The following TGM7 variants were observed in gnomAD, a reference collection of about 807,000 sequenced individuals.
The protein encoded by TGM7 is transglutaminase 7.
Under a neutral mutation model 79.5 loss-of-function variants are expected in TGM7, and 74 were observed. The ratio of observed to expected loss-of-function variants is 0.93; its 90% CI spans 0.77 to 1.13. The LOEUF (loss-of-function observed/expected upper bound fraction) is 1.13. Among genes scored for constraint, TGM7 ranks in the 50% most tolerant of loss-of-function variants. The pLI is 0.00. For missense variants in TGM7, 912 were observed against 905.9 expected, an observed-to-expected ratio of 1.01 and a Z score of -0.09; for synonymous variants, 354 against 362.5, an observed-to-expected ratio of 0.98 and a Z score of 0.27.
chr15:43,285,989 A>C (rs868839433), intron 6 of TGM7, among the ~76,000 whole-genome samples: 2 of 152,060 alleles, frequency 1.3e-5, no homozygotes, highest in Non-Finnish European at 2.9e-5. Context: ...TTATCCCACT[A>C]TCTCCCTCCT....
chr15:43,289,168 C>T (rs1201683099), intron 4 of TGM7, among the ~76,000 whole-genome samples: 3 of 151,884 alleles, frequency 2.0e-5, no homozygotes, highest in East Asian at 3.9e-4. Context: ...CCCATTAACT[C>T]GTCATTTAAC....
chr15:43,282,687 A>G, intron 7 of TGM7, 67 bp from the exon 8 acceptor site: 1 of 1,201,656 alleles, frequency 8.3e-7, no homozygotes, highest in Non-Finnish European at 1.2e-6. Context: ...CAGGCACTAT[A>G]CGGAGTGATT....
intron 1 of TGM7, among the ~76,000 whole-genome samples, chr15:43,299,352 A>T (rs1047012172): frequency 6.6e-6 from 1 of 152,240 alleles, no homozygotes; most frequent in East Asian, 1.9e-4. Context: ...CCAAAGGCTC[A>T]TGAGGACCTA....
intron 11 of TGM7, 97 bp downstream of exon 11, chr15:43,279,020 G>A: frequency 7.5e-7 from 1 of 1,327,464 alleles, no homozygotes; most frequent in Non-Finnish European, 1.0e-6. Context: ...TCGGTGTGGT[G>A]AGAGGTGGGA....
chr15:43,284,321 C>A (rs1400476595), intron 7 of TGM7, among the ~76,000 whole-genome samples: 1 of 147,542 alleles, frequency 6.8e-6, no homozygotes, highest in Non-Finnish European at 1.5e-5. Flanking sequence ...CAGAGATACA[C>A]AAATAAAGGG....
At position 43,279,697 on chromosome 15, in the gene TGM7, G is replaced by A. The variant is rs1339747822; in HGVS notation, c.1606C>T (p.Leu536=). 11 of 1,613,882 alleles carry A rather than the reference G, an allele frequency of 6.8e-6. No individual in the cohort carries two copies. Among genetic ancestry groups the A allele is most frequent in the Admixed American group, 1.7e-5 (1 of 59,996 alleles). ...TTCTGGGTACCACCCCCATGCAGCA[G>A]GGCCTGTGCACAGAAGCGCACCACC... ...GLVVRFCAQA[L]LHGGGTQKPF... is the part of the protein sequence containing the mutation. Residue 536 remains leucine (L), a synonymous_variant, in exon 10 of 13, where the codon CTG becomes TTG. Coordinates refer to ENST00000452443, the MANE Select transcript of TGM7 (RefSeq NM_052955.3).
In TGM7 at chr15:43,298,663, G is replaced by A. The variant is rs2043011996; in HGVS notation, c.10+3578C>T. 3.9e-5 allele frequency among the ~76,000 whole-genome samples: 6 copies of A among 152,194 alleles called. 1 individual carries two copies. The South Asian group carries it at 1.2e-3, about 32-fold the overall frequency. ...AGCTGCTTGGGAGGCTGAGGCAGAA[G>A]AATTGCTTGAACCCGGGAGGCGGAG... On this transcript the variant is annotated intron_variant, in intron 1 of 12. Coordinates refer to ENST00000452443, the MANE Select transcript of TGM7 (RefSeq NM_052955.3).
Position 43,282,501 on chromosome 15 carries a change from A to G in TGM7, c.1108+16T>C. The G allele has an allele frequency of 1.3e-6, 2 of 1,569,100 alleles. No individual in the cohort carries two copies. Among genetic ancestry groups the G allele is most frequent in the Non-Finnish European group, 1.7e-6 (2 of 1,155,070 alleles). On this transcript the variant is annotated intron_variant, in intron 8 of 12. Coordinates refer to ENST00000452443, the MANE Select transcript of TGM7 (RefSeq NM_052955.3). ...TCCCCACAGAGCCAGAGCCTGTTGCAATGGTCCTCACTCACCACTGCTGGT... is the reference window on the plus strand; with the variant it reads ...TCCCCACAGAGCCAGAGCCTGTTGCGATGGTCCTCACTCACCACTGCTGGT...
rs1242860152 is a variant in TGM7 at position 43,279,332 on chromosome 15, G to C, written c.1679-55C>G. On this transcript the variant is annotated intron_variant, in intron 10 of 12. Coordinates refer to ENST00000452443, the MANE Select transcript of TGM7 (RefSeq NM_052955.3). The stretch of plus-strand genomic sequence containing the variant: ...CAGGACATGGACCAGAGAGAGGGGG[G>C]ACATGTAGATGTGAGAGAGGAAAAA... 17 of 1,566,284 alleles carry C rather than the reference G, an allele frequency of 1.1e-5. No individual in the cohort carries two copies. The African/African-American group carries it at 2.2e-4, about 20-fold the overall frequency.
chr15:43,279,126 C>G lies in TGM7; in HGVS notation c.1830G>C (p.Leu610Phe). Reference sequence around the variant, plus strand: ...CATGTCCAGACACTACCTCAATAGACAAGTGGGGAGGCTCCAGACAGATAT... The same window carrying G: ...CATGTCCAGACACTACCTCAATAGAGAAGTGGGGAGGCTCCAGACAGATAT... The part of the protein sequence containing the change: ...LKDICLEPPH[L>F]SIEVSERAEV... Residue 610 changes from leucine to phenylalanine, a missense_variant, in exon 11 of 13, where the codon TTG becomes TTC. By Grantham distance (22) the Leu-to-Phe change is conservative (BLOSUM62 0). Coordinates refer to ENST00000452443, the MANE Select transcript of TGM7 (RefSeq NM_052955.3). The G allele has an allele frequency of 6.2e-7, 1 of 1,613,172 alleles. No homozygotes were observed. The highest frequency in any genetic ancestry group is 2.2e-5 in the East Asian group (1 of 44,876).
rs902355821 is a variant in TGM7 at position 43,295,520 on chromosome 15, G to T, written c.11-1889C>A. Among the ~76,000 whole-genome samples the T allele has an allele frequency of 1.1e-4, 17 of 152,288 alleles. No individual in the cohort carries two copies. In the East Asian group the frequency reaches 2.9e-3, roughly 26 times the overall value. On this transcript the variant is annotated intron_variant, in intron 1 of 12. Coordinates refer to ENST00000452443, the MANE Select transcript of TGM7 (RefSeq NM_052955.3). ...CGGGAGAATTGCCTGAGCCCAGGAG[G>T]TAGAGGTTGCAGTGAGCCAGGATTG...
At chr15:43,291,739 A>G (rs527385868) in intron 4 of TGM7, among the ~76,000 whole-genome samples, 9 of 152,296 alleles carry the variant, frequency 5.9e-5, no homozygotes, top group Non-Finnish European at 1.2e-4. Flanking sequence ...TAGCCTGTCT[A>G]CTTTGATTAT....
chr15:43,293,881 G>GGGGGT (rs1566847012), intron 1 of TGM7, among the ~76,000 whole-genome samples: 1 of 57,178 alleles, frequency 1.7e-5, no homozygotes, highest in Non-Finnish European at 3.2e-5. Context: ...TGGGGTGTGC[G>GGGGGT]GGGGTGGGGT....
At position 43,281,917 on chromosome 15, in the gene TGM7, C is replaced by G; in HGVS notation, c.1278G>C (p.Gly426=). The change falls in exon 9 of 13, where the codon GGG becomes GGC. Residue 426 remains glycine, a synonymous_variant. Transcript: ENST00000452443. ...CCACCATCTTAGTGCTGATCTCCTT[C>G]CCGATGGAACTGGTGTTGTGGGCCA... The part of the protein sequence containing the change: ...EILAHNTSSI[G]KEISTKMVGS... 1 of 1,614,224 alleles carries G rather than the reference C, an allele frequency of 6.2e-7. No individual in the cohort carries two copies. Among genetic ancestry groups the G allele is most frequent in the Middle Eastern group, 1.6e-4 (1 of 6,062 alleles).
intron 6 of TGM7, among the ~76,000 whole-genome samples, chr15:43,285,841 T>TACACACAAACAC (rs1051227489): frequency 1.7e-5 from 2 of 117,350 alleles, no homozygotes; most frequent in East Asian, 4.5e-4. Context: ...CCCCAACACA[T>TACACACAAACAC]ACACACAAAC....
chr15:43,276,620 A>G lies in TGM7; in HGVS notation c.1974-6T>C. The G allele has an allele frequency of 6.2e-7, 1 of 1,611,578 alleles. No homozygotes were observed. Among genetic ancestry groups the G allele is most frequent in the South Asian group, 1.1e-5 (1 of 90,756 alleles). On this transcript the variant is annotated splice_polypyrimidine_tract_variant and splice_region_variant and intron_variant, in intron 12 of 12. Transcript: ENST00000452443. ...CGGCCACCAGAGTCCCAAGGCTGAA[A>G]GTCAGAAACAGCCTGTGAGAGCCTC... is the stretch of plus-strand genomic sequence containing the variant.
chr15:43,281,699 T>C (rs981679834), intron 9 of TGM7, 145 bp downstream of exon 9: 3 of 1,275,768 alleles, frequency 2.4e-6, no homozygotes, highest in Non-Finnish European at 3.2e-6. Context: ...TAGGGCCACA[T>C]GCCTGGGATC....
intron 4 of TGM7, among the ~76,000 whole-genome samples, chr15:43,290,351 G>A (rs2042957396): frequency 6.6e-6 from 1 of 152,084 alleles, no homozygotes; most frequent in African/African-American, 2.4e-5. Flanking sequence ...TTTTTGTCAG[G>A]TTTGTCAAAG....
intron 2 of TGM7, 29 bp downstream of exon 2, chr15:43,293,420 T>G: frequency 1.3e-6 from 2 of 1,561,544 alleles, no homozygotes; most frequent in Non-Finnish European, 1.7e-6. Flanking sequence ...TGACGGAACC[T>G]GCGGGGCCTT....
Sources: allele counts gnomAD v4.1 joint callset (sites outside exome capture counted in the v4.1 genomes callset), GRCh38; gene constraint gnomAD v4.1.1; transcripts MANE v1.5; gene names NCBI Gene and HGNC (gene_info 2026-07-23, HGNC 2026-07-21).